The following GALNT13 variants were observed in gnomAD, a reference collection of about 807,000 sequenced individuals.
The protein encoded by GALNT13 is polypeptide N-acetylgalactosaminyltransferase 13, also known as UDP-GalNAc:polypeptide N-acetylgalactosaminyltransferase 13.
Under a neutral mutation model 64.2 loss-of-function variants are expected in GALNT13, and 28 were observed. That is an observed-to-expected ratio of 0.44 (90% confidence interval 0.32 to 0.60). GALNT13 has a LOEUF of 0.60. Ranked by LOEUF, GALNT13 falls within the 20% of genes least tolerant of loss-of-function variation. The probability of loss-of-function intolerance (pLI) is 0.05; values close to 1 mark genes in which losing one functional copy is unlikely to be tolerated. For missense variants in GALNT13, 577 were observed against 669.8 expected (o/e 0.86, Z 1.53); for synonymous variants, 214 against 224.6 (o/e 0.95, Z 0.42).
intron 3 of GALNT13, among the ~76,000 whole-genome samples, chr2:154,134,110 C>T (rs1017597669): frequency 1.3e-5 from 2 of 152,098 alleles, no homozygotes; most frequent in African/African-American, 4.8e-5. Flanking sequence ...AAGGACCACA[C>T]CTAACTGCAG....
chr2:154,338,820 G>T (rs1695597283), intron 9 of GALNT13, among the ~76,000 whole-genome samples: 2 of 151,994 alleles, frequency 1.3e-5, no homozygotes, highest in Non-Finnish European at 2.9e-5. Flanking sequence ...GCTCTGTCAT[G>T]GTTGCTTTGC....
chr2:153,673,805 C>A, the GALNT13 span, among the ~76,000 whole-genome samples: 33 of 152,236 alleles, frequency 2.2e-4, no homozygotes, highest in Non-Finnish European at 4.4e-5. Context: ...ATTTAGAGAA[C>A]CCCATCATCT....
chr2:153,925,964 TG>T (rs1301983246), intron 2 of GALNT13, among the ~76,000 whole-genome samples: 2 of 152,104 alleles, frequency 1.3e-5, no homozygotes, highest in African/African-American at 4.8e-5. Flanking sequence ...GCTGAGATGA[TG>T]GAGTTTTCTA....
the GALNT13 span, among the ~76,000 whole-genome samples, chr2:153,273,482 A>G: frequency 6.6e-6 from 1 of 152,190 alleles, no homozygotes; most frequent in Non-Finnish European, 1.5e-5. Context: ...TAACTTGACA[A>G]GATTACAGAG....
intron 2 of GALNT13, among the ~76,000 whole-genome samples, chr2:153,912,454 T>C (rs1479756789): frequency 1.3e-5 from 2 of 152,156 alleles, no homozygotes; most frequent in East Asian, 3.9e-4. Flanking sequence ...AGAACTAGGG[T>C]GGTCATTTGG....
At chr2:153,181,704 A>G in the GALNT13 span, among the ~76,000 whole-genome samples, 4 of 145,636 alleles carry the variant, frequency 2.7e-5, no homozygotes, top group Non-Finnish European at 6.0e-5. Context: ...ATTATATTAC[A>G]TAAATATAAT....
At chr2:154,405,237 A>G (rs997157157) in intron 10 of GALNT13, among the ~76,000 whole-genome samples, 2 of 152,172 alleles carry the variant, frequency 1.3e-5, no homozygotes, top group East Asian at 1.9e-4. Context: ...CAAAGACTAA[A>G]TCATTTCAGA....
chr2:153,165,203 G>T, the GALNT13 span, among the ~76,000 whole-genome samples: 4 of 152,192 alleles, frequency 2.6e-5, no homozygotes. Context: ...GCAGCTGTGT[G>T]TAAACACAGT....
intron 4 of GALNT13, among the ~76,000 whole-genome samples, chr2:154,219,827 ATGAT>A (rs1688232701): frequency 6.6e-6 from 1 of 152,068 alleles, no homozygotes; most frequent in Non-Finnish European, 1.5e-5. Flanking sequence ...AGCAGACATT[ATGAT>A]TTGCAGAAGC....
the GALNT13 span, among the ~76,000 whole-genome samples, chr2:153,737,252 C>T: frequency 5.3e-5 from 8 of 152,046 alleles, no homozygotes; most frequent in African/African-American, 1.7e-4. Flanking sequence ...CTAAGAGGTC[C>T]TTATGAAAGT....
At chr2:154,025,283 G>GCA (rs780952284) in intron 3 of GALNT13, among the ~76,000 whole-genome samples, 25 of 152,288 alleles carry the variant, frequency 1.6e-4, no homozygotes, top group Middle Eastern at 3.4e-3. Context: ...GTAGACTGGA[G>GCA]CTGTTCCTAT....
chr2:153,621,095 T>C, the GALNT13 span, among the ~76,000 whole-genome samples: 184 of 152,220 alleles, frequency 1.2e-3, no homozygotes, highest in African/African-American at 4.3e-3. Flanking sequence ...CTTCTTGTAC[T>C]TTCTCCCAAA....
chr2:153,857,135 A>AT, the GALNT13 span, among the ~76,000 whole-genome samples: 2 of 152,122 alleles, frequency 1.3e-5, no homozygotes, highest in Admixed American at 6.6e-5. Flanking sequence ...GCTTGCATCA[A>AT]TGTGTAAGGA....
chr2:153,400,245 T>C, the GALNT13 span, among the ~76,000 whole-genome samples: 4 of 151,964 alleles, frequency 2.6e-5, no homozygotes, highest in Non-Finnish European at 5.9e-5. Flanking sequence ...TTGCGTATAT[T>C]GAACCAGCCT....
Position 154,303,380 on chromosome 2 carries a change from T to C in GALNT13, c.1156+1791T>C, listed in dbSNP as rs571555376. ...CCCCACCCTAATCTTATTATGCAAA[T>C]AGACTTTCCACTCCACTGGCGCCAT... On this transcript the variant is annotated intron_variant, in intron 9 of 12. Coordinates refer to ENST00000392825, the MANE Select transcript of GALNT13 (RefSeq NM_052917.4). Among the ~76,000 whole-genome samples the C allele has an allele frequency of 8.5e-5, 13 of 152,056 alleles. No homozygotes were observed. In the East Asian group the frequency reaches 2.5e-3, roughly 30 times the overall value.
chr2:154,159,364 A>C (rs1261889933), intron 4 of GALNT13, among the ~76,000 whole-genome samples: 3 of 152,032 alleles, frequency 2.0e-5, no homozygotes, highest in East Asian at 3.9e-4. Flanking sequence ...CGAACTCCTG[A>C]CCTCAAGTGA....
chr2:153,743,622 A>G, the GALNT13 span, among the ~76,000 whole-genome samples: 9 of 152,162 alleles, frequency 5.9e-5, no homozygotes, highest in Non-Finnish European at 1.3e-4. Flanking sequence ...TAATAATCAC[A>G]TAGTAGAAAA....
chr2:153,870,187 T>C (rs1288687715), upstream of GALNT13, among the ~76,000 whole-genome samples: 2 of 152,274 alleles, frequency 1.3e-5, no homozygotes, highest in Admixed American at 1.3e-4. Flanking sequence ...TGGTGTGTTA[T>C]GCACCAAAAG....
chr2:153,553,644 A>G, the GALNT13 span, among the ~76,000 whole-genome samples: 1 of 152,246 alleles, frequency 6.6e-6, no homozygotes, highest in African/African-American at 2.4e-5. Context: ...AAGATATAAA[A>G]TTAAAAACTG....
Sources: allele counts gnomAD v4.1 joint callset (sites outside exome capture counted in the v4.1 genomes callset), GRCh38; gene constraint gnomAD v4.1.1; transcripts MANE v1.5; gene names NCBI Gene and HGNC (gene_info 2026-07-23, HGNC 2026-07-21).